Variants in RETREG1 observed in about 807,000 individuals in gnomAD.
RETREG1 encodes the protein family with sequence similarity 134 member B.
RETREG1 carries 44 observed loss-of-function variants against 54.8 expected under a neutral mutation model. That is an observed-to-expected ratio of 0.80 (90% CI 0.63 to 1.03). The LOEUF is 1.03. Ranked by LOEUF, RETREG1 falls within the 50% of genes least tolerant of loss-of-function variation. The pLI is 0.00. For missense variants in RETREG1, 554 were observed against 605.1 expected, an observed-to-expected ratio of 0.92 and a Z score of 0.89; for synonymous variants, 217 against 238.5, an observed-to-expected ratio of 0.91 and a Z score of 0.83.
chr5:16,522,740 C>T (rs141252991), intron 3 of RETREG1, among the ~76,000 whole-genome samples: 1 of 152,194 alleles, frequency 6.6e-6, no homozygotes, highest in East Asian at 1.9e-4. Context: ...TGCAGTGGCT[C>T]ATGTCTGTAA....
At chr5:16,596,972 T>C (rs1166109426) in intron 1 of RETREG1, among the ~76,000 whole-genome samples, 1 of 152,230 alleles carries the variant, frequency 6.6e-6, no homozygotes, top group Non-Finnish European at 1.5e-5. Context: ...GTCTGGCTGA[T>C]TCTCTGCTTA....
At chr5:16,602,872 G>A (rs906502889) in intron 1 of RETREG1, among the ~76,000 whole-genome samples, 1 of 152,128 alleles carries the variant, frequency 6.6e-6, no homozygotes, top group Non-Finnish European at 1.5e-5. Context: ...CCCGGGCCTG[G>A]TGGAGCATGC....
chr5:16,510,407 T>G (rs1740133643), intron 3 of RETREG1, among the ~76,000 whole-genome samples: 1 of 152,156 alleles, frequency 6.6e-6, no homozygotes, highest in Non-Finnish European at 1.5e-5. Flanking sequence ...CAGGGCAATG[T>G]GCTATACTAT....
At chr5:16,586,110 T>C (rs940249709) in intron 1 of RETREG1, among the ~76,000 whole-genome samples, 1 of 152,208 alleles carries the variant, frequency 6.6e-6, no homozygotes, top group East Asian at 1.9e-4. Context: ...TACACTGCAA[T>C]GTCGTGCAGG....
At chr5:16,609,413 G>T (rs919574756) in intron 1 of RETREG1, among the ~76,000 whole-genome samples, 3 of 152,094 alleles carry the variant, frequency 2.0e-5, no homozygotes, top group African/African-American at 7.2e-5. Flanking sequence ...GCCATACTTT[G>T]ACAAAGCACT....
intron 3 of RETREG1, among the ~76,000 whole-genome samples, chr5:16,510,818 C>CAAAAAAAAAA (rs57713373): frequency 1.3e-5 from 1 of 75,712 alleles, no homozygotes; most frequent in Non-Finnish European, 2.4e-5. Context: ...ACAACAACAA[C>CAAAAAAAAAA]AAAAAAAAAA....
intron 1 of RETREG1, among the ~76,000 whole-genome samples, chr5:16,578,092 T>G (rs1300528022): frequency 8.5e-5 from 13 of 152,212 alleles, no homozygotes; most frequent in Non-Finnish European, 1.8e-4. Context: ...TTATCCTTAC[T>G]GATGCTCCAG....
At chr5:16,475,707 C>T (rs1303057945) in intron 8 of RETREG1, among the ~76,000 whole-genome samples, 1 of 152,108 alleles carries the variant, frequency 6.6e-6, no homozygotes, top group Non-Finnish European at 1.5e-5. Flanking sequence ...AGATCTATTT[C>T]AGTGCCTGTA....
intron 3 of RETREG1, among the ~76,000 whole-genome samples, chr5:16,528,285 A>G (rs541784524): frequency 6.6e-6 from 1 of 152,218 alleles, no homozygotes; most frequent in East Asian, 1.9e-4. Flanking sequence ...TGATTTTTAC[A>G]TATATTAACA....
chr5:16,507,174 C>G (rs1739993541), intron 3 of RETREG1, among the ~76,000 whole-genome samples: 1 of 152,130 alleles, frequency 6.6e-6, no homozygotes, highest in South Asian at 2.1e-4. Flanking sequence ...CACATTTCTG[C>G]CAAATCTCTC....
At chr5:16,596,685 G>A (rs1434738095) in intron 1 of RETREG1, among the ~76,000 whole-genome samples, 1 of 152,114 alleles carries the variant, frequency 6.6e-6, no homozygotes, top group Non-Finnish European at 1.5e-5. Flanking sequence ...GCACCCTCCA[G>A]GGCAAAACTC....
chr5:16,585,163 G>A lies in RETREG1; in HGVS notation c.321-13061C>T, dbSNP rs1742595616. ...AATCAGAGTCTGCTGCAGTGGAGGA[G>A]GGGAATAACCTTACTCTAGGAGAAG... On this transcript the variant is annotated intron_variant, in intron 1 of 8. Transcript: ENST00000306320. The surrounding 1 kb of genome is among the most constrained non-coding windows in gnomAD (Gnocchi z 4.5). 6.6e-6 allele frequency among the ~76,000 whole-genome samples: 1 copy of A among 152,154 alleles called. No homozygotes were observed. Among genetic ancestry groups the A allele is most frequent in the Non-Finnish European group, 1.5e-5 (1 of 68,026 alleles).
intron 3 of RETREG1, among the ~76,000 whole-genome samples, chr5:16,534,282 AAAAC>A (rs1189724705): frequency 2.0e-5 from 3 of 152,186 alleles, no homozygotes; most frequent in Non-Finnish European, 4.4e-5. Context: ...CTGTCACTAA[AAAAC>A]AAACAACGAA....
chr5:16,616,591 GC>G, intron 1 of RETREG1, 60 bp downstream of exon 1: 2 of 1,537,986 alleles, frequency 1.3e-6, no homozygotes, highest in Non-Finnish European at 1.7e-6. Flanking sequence ...GGTCCCCGGG[GC>G]CCCGGGCGCC....
rs140987166 is a variant in RETREG1, at chr5:16,512,376, A to G, written c.459-28904T>C. ...ACATGCTGCAGAAGCCCAAGGGACCAGATACCTCCACATTTTAAATTTTCC... is the reference window on the plus strand; with the variant it reads ...ACATGCTGCAGAAGCCCAAGGGACCGGATACCTCCACATTTTAAATTTTCC... On this transcript the variant is annotated intron_variant, in intron 3 of 8. Coordinates refer to ENST00000306320, the MANE Select transcript of RETREG1 (RefSeq NM_001034850.3). Among the ~76,000 whole-genome samples the G allele has an allele frequency of 1.7e-4, 26 of 152,320 alleles. No individual in the cohort carries two copies. In the East Asian group the frequency reaches 4.6e-3, roughly 27 times the overall value.
chr5:16,501,611 C>A (rs184460469), intron 3 of RETREG1, among the ~76,000 whole-genome samples: 1 of 152,040 alleles, frequency 6.6e-6, no homozygotes. Context: ...GGTATGATCT[C>A]GGCTCACTGC....
chr5:16,507,608 G>T (rs1740008052), intron 3 of RETREG1, among the ~76,000 whole-genome samples: 1 of 152,192 alleles, frequency 6.6e-6, no homozygotes, highest in African/African-American at 2.4e-5. Context: ...GAAGGAACTT[G>T]TAAGAAAATG....
intron 3 of RETREG1, among the ~76,000 whole-genome samples, chr5:16,487,438 AC>A (rs1739061601): frequency 1.3e-5 from 2 of 152,110 alleles, no homozygotes; most frequent in Admixed American, 1.3e-4. Context: ...TTTAAGAGTC[AC>A]CCCCGATGAC....
At position 16,559,857 on chromosome 5, in the gene RETREG1, T is replaced by C. The variant is rs373786292; in HGVS notation, c.458+5906A>G. Among the ~76,000 whole-genome samples the C allele has an allele frequency of 9.5e-4, 144 of 152,342 alleles. 3 individuals carry two copies. In the South Asian group the frequency reaches 0.029, roughly 31 times the overall value. On this transcript the variant is annotated intron_variant, in intron 3 of 8. Transcript: ENST00000306320. ...ATGCAGAAAGGAAAAACTATTATAA[T>C]ACTATGGATCAGGTTTCAATTCAGT...
Sources: allele counts gnomAD v4.1 joint callset (sites outside exome capture counted in the v4.1 genomes callset), GRCh38; gene constraint gnomAD v4.1.1; non-coding constraint Gnocchi (gnomAD v3.1); transcripts MANE v1.5; gene names NCBI Gene and HGNC (gene_info 2026-07-23, HGNC 2026-07-21).